IL1RAPL2: variants seen among roughly 807,000 people sequenced by gnomAD.
The protein encoded by IL1RAPL2 is interleukin 1 receptor accessory protein like 2, also known as X-linked interleukin-1 receptor accessory protein-like 2.
Under a neutral mutation model 44.1 loss-of-function variants are expected in IL1RAPL2, and 3 were observed. That is an observed-to-expected ratio of 0.07 (90% CI 0.03 to 0.18). The LOEUF is 0.18. IL1RAPL2 is among the 10% of genes least tolerant of loss of function. The probability of loss-of-function intolerance (pLI) is 1.00; values close to 1 mark genes in which losing one functional copy is unlikely to be tolerated. For missense variants in IL1RAPL2, 391 were observed against 496.4 expected (o/e 0.79, Z 2.02); for synonymous variants, 181 against 178.8 (o/e 1.01, Z -0.10).
At chrX:105,346,508 A>G (rs1365189614) in intron 5 of IL1RAPL2, among the ~76,000 whole-genome samples, 1 of 112,378 alleles carries the variant, frequency 8.9e-6, no homozygotes, top group Non-Finnish European at 1.9e-5. Flanking sequence ...CTTAATTTTC[A>G]TTGTTATTGG....
intron 2 of IL1RAPL2, among the ~76,000 whole-genome samples, chrX:104,968,979 CTGTGTGTGTGTGTGTGTG>C (rs35842489): frequency 1.1e-3 from 88 of 82,050 alleles, no homozygotes; most frequent in African/African-American, 3.8e-3. Context: ...TTGCCTTTTG[CTGTGTGTGTGTGTGTGTG>C]TGTGTGTGTG....
At chrX:105,139,706 C>A in intron 2 of IL1RAPL2, among the ~76,000 whole-genome samples, 1 of 111,503 alleles carries the variant, frequency 9.0e-6, no homozygotes, top group Non-Finnish European at 1.9e-5. Context: ...GAGGGCTCTA[C>A]CCTCATGACC....
At chrX:104,884,525 G>A (rs1211455038) in intron 2 of IL1RAPL2, among the ~76,000 whole-genome samples, 1 of 111,221 alleles carries the variant, frequency 9.0e-6, no homozygotes, top group East Asian at 2.8e-4. Flanking sequence ...CCTTTGAAAT[G>A]CATCCTAAGC....
intron 4 of IL1RAPL2, among the ~76,000 whole-genome samples, chrX:105,260,539 G>C (rs2034350337): frequency 9.2e-6 from 1 of 109,002 alleles, no homozygotes; most frequent in African/African-American, 3.4e-5. Context: ...AGCAACGATG[G>C]TGGCCCACCC....
chrX:105,296,848 T>C (rs1056190385), intron 5 of IL1RAPL2, among the ~76,000 whole-genome samples: 3 of 112,171 alleles, frequency 2.7e-5, no homozygotes, highest in African/African-American at 9.7e-5. Flanking sequence ...TTTCTAACTC[T>C]AAAAACATTC....
At chrX:105,646,644 G>A (rs990141474) in intron 6 of IL1RAPL2, among the ~76,000 whole-genome samples, 1 of 111,786 alleles carries the variant, frequency 8.9e-6, no homozygotes, top group Non-Finnish European at 1.9e-5. Context: ...TTAGTACAAC[G>A]TGGATAAGTG....
intron 2 of IL1RAPL2, among the ~76,000 whole-genome samples, chrX:104,881,503 T>C (rs1472403475): frequency 8.9e-6 from 1 of 112,439 alleles, no homozygotes; most frequent in Non-Finnish European, 1.9e-5. Context: ...ATAATTTCCA[T>C]AGACTAAGCT....
chrX:104,686,080 C>T (rs1930982942), intron 2 of IL1RAPL2, among the ~76,000 whole-genome samples: 1 of 111,385 alleles, frequency 9.0e-6, no homozygotes, highest in Non-Finnish European at 1.9e-5. Flanking sequence ...TCCTTAGTTA[C>T]CGTAAACAAA....
At chrX:105,299,016 G>T (rs2034675503) in intron 5 of IL1RAPL2, among the ~76,000 whole-genome samples, 1 of 108,438 alleles carries the variant, frequency 9.2e-6, no homozygotes, top group African/African-American at 3.5e-5. Flanking sequence ...ATGAGGAAAA[G>T]GGGACAATGA....
chrX:104,797,477 T>A (rs1333707630), intron 2 of IL1RAPL2, among the ~76,000 whole-genome samples: 1 of 111,528 alleles, frequency 9.0e-6, no homozygotes, highest in East Asian at 2.8e-4. Flanking sequence ...GGGAAATGAT[T>A]CATGCTATGA....
chrX:105,014,318 C>A (rs1332452887), intron 2 of IL1RAPL2, among the ~76,000 whole-genome samples: 1 of 107,373 alleles, frequency 9.3e-6, no homozygotes, highest in Non-Finnish European at 1.9e-5. Flanking sequence ...CTCTTTCTTT[C>A]TTTTCCTTTT....
rs771304289 is a variant in IL1RAPL2, at chrX:105,648,221, G to T, written c.773-69146G>T. 2.7e-5 allele frequency among the ~76,000 whole-genome samples: 3 copies of T among 111,212 alleles called. No homozygotes were observed. In the East Asian group the frequency reaches 8.5e-4, roughly 32 times the overall value. On this transcript the variant is annotated intron_variant, in intron 6 of 10. Transcript: ENST00000372582. ...ACAGCCTTTTCTCATTAAGAAAACT[G>T]CTAGATAATATACAAAAGGGAATCA...
At chrX:104,634,479 A>G (rs1284788172) in intron 1 of IL1RAPL2, among the ~76,000 whole-genome samples, 2 of 111,321 alleles carry the variant, frequency 1.8e-5, no homozygotes, top group Non-Finnish European at 3.8e-5. Flanking sequence ...GTGGGAATCT[A>G]TGTCTCTTTG....
chrX:105,001,962 G>T (rs2030858332), intron 2 of IL1RAPL2, among the ~76,000 whole-genome samples: 1 of 111,122 alleles, frequency 9.0e-6, no homozygotes, highest in African/African-American at 3.3e-5. Flanking sequence ...ATCTAGTTAG[G>T]TTGGTAATTG....
At chrX:105,142,510 C>T (rs946100008) in intron 2 of IL1RAPL2, among the ~76,000 whole-genome samples, 1 of 111,095 alleles carries the variant, frequency 9.0e-6, no homozygotes, top group African/African-American at 3.3e-5. Flanking sequence ...GGTTTTTCCA[C>T]CATTAGGCAC....
At chrX:105,009,671 G>C (rs1015068497) in intron 2 of IL1RAPL2, among the ~76,000 whole-genome samples, 2 of 108,397 alleles carry the variant, frequency 1.8e-5, no homozygotes, top group Admixed American at 2.0e-4. Flanking sequence ...AATGGGTGCA[G>C]CACACCAACA....
At chrX:105,522,216 T>C (rs2036564060) in intron 6 of IL1RAPL2, among the ~76,000 whole-genome samples, 1 of 112,038 alleles carries the variant, frequency 8.9e-6, no homozygotes, top group Non-Finnish European at 1.9e-5. Context: ...TTGAGGGAGG[T>C]GATTTGACAT....
chrX:104,602,806 A>G (rs1928912745), intron 1 of IL1RAPL2, among the ~76,000 whole-genome samples: 1 of 111,574 alleles, frequency 9.0e-6, no homozygotes, highest in South Asian at 3.9e-4. Context: ...GGCATCTCTG[A>G]AAAAAAGGCA....
chrX:105,207,741 T>TA (rs1336642671), intron 3 of IL1RAPL2, among the ~76,000 whole-genome samples: 3 of 111,905 alleles, frequency 2.7e-5, no homozygotes, highest in Non-Finnish European at 5.6e-5. Context: ...TTCTGCACAA[T>TA]AAAATCTCAG....
Sources: allele counts gnomAD v4.1 joint callset (sites outside exome capture counted in the v4.1 genomes callset), GRCh38; gene constraint gnomAD v4.1.1; transcripts MANE v1.5; gene names NCBI Gene and HGNC (gene_info 2026-07-23, HGNC 2026-07-21).